YIPF4: variants seen among roughly 807,000 people sequenced by gnomAD.
YIPF4 encodes Yip1 domain family member 4, also known as protein YIPF4.
YIPF4 carries 18 observed loss-of-function variants against 29.4 expected under a neutral mutation model. The ratio of observed to expected loss-of-function variants is 0.61; its 90% CI spans 0.42 to 0.91. The LOEUF (loss-of-function observed/expected upper bound fraction) is 0.91, where lower values mean the gene tolerates loss of function less well. Among genes scored for constraint, YIPF4 ranks in the 40% least tolerant of loss-of-function variants. The probability of loss-of-function intolerance (pLI) is 0.00; values close to 1 mark genes in which losing one functional copy is unlikely to be tolerated. For synonymous variants in YIPF4, 115 were observed against 104.7 expected (o/e 1.10, Z -0.60); for missense variants, 279 against 282.7 (o/e 0.99, Z 0.09).
In YIPF4 at chr2:32,278,197, C is replaced by G. The variant is rs1304158161; in HGVS notation, c.42C>G (p.Asn14Lys). ...PGPPPAYAPT[N>K]GDFTFVSSAD... Reference sequence around the variant, plus strand: ...CGCCCCCGGCCTATGCCCCCACTAACGGGGACTTCACCTTTGTCTCCTCAG... The same window carrying G: ...CGCCCCCGGCCTATGCCCCCACTAAGGGGGACTTCACCTTTGTCTCCTCAG... Residue 14 changes from asparagine to lysine, a missense_variant, in exon 1 of 6, where the codon AAC becomes AAG. Transcript: ENST00000238831. The G allele has an allele frequency of 1.3e-6, 2 of 1,574,514 alleles. No homozygotes were observed. The highest frequency in any genetic ancestry group is 1.4e-5 in the African/African-American group (1 of 73,256).
At chr2:32,302,425 T>G (rs190455820) in intron 5 of YIPF4, among the ~76,000 whole-genome samples, 2 of 152,308 alleles carry the variant, frequency 1.3e-5, no homozygotes, top group African/African-American at 2.4e-5. Context: ...TATTTAAAAT[T>G]CCACTGGACA....
At chr2:32,300,694 A>G (rs773650056) in intron 4 of YIPF4, among the ~76,000 whole-genome samples, 1 of 152,158 alleles carries the variant, frequency 6.6e-6, no homozygotes, top group African/African-American at 2.4e-5. Context: ...AATATGTATC[A>G]TTACGTGTTT....
rs919661894 is a variant in YIPF4, at chr2:32,307,149, T to C, written c.*1523T>C. ...AGGACTTCTAGAAGTTAGAATAATA[T>C]GAAGTAATCAGGAAATATCTATGCC... is the stretch of plus-strand genomic sequence containing the variant. On this transcript the variant is annotated 3_prime_UTR_variant, in exon 6 of 6. Transcript: ENST00000238831. 2.3e-6 allele frequency: 3 copies of C among 1,296,964 alleles called. No homozygotes were observed. Among genetic ancestry groups the C allele is most frequent in the East Asian group, 1.1e-4 (2 of 17,720 alleles). 80.3% of individuals were successfully genotyped at this position (1,296,964 alleles called of 1,614,324 possible).
In YIPF4 at chr2:32,307,178, A is replaced by G. The variant is rs908349731; in HGVS notation, c.*1552A>G. On this transcript the variant is annotated 3_prime_UTR_variant, in exon 6 of 6. Coordinates refer to ENST00000238831, the MANE Select transcript of YIPF4 (RefSeq NM_032312.4). ...GTAATCAGGAAATATCTATGCCTACAGAAGCAGCAACCGTAAGATAAACAT... is the reference window on the plus strand; with the variant it reads ...GTAATCAGGAAATATCTATGCCTACGGAAGCAGCAACCGTAAGATAAACAT... 7.9e-6 allele frequency: 10 copies of G among 1,271,040 alleles called. No homozygotes were observed. The Admixed American group carries it at 2.7e-4, about 34-fold the overall frequency. 78.7% of individuals were successfully genotyped at this position (1,271,040 alleles called of 1,614,324 possible).
At chr2:32,288,058 C>G (rs1290234715) in intron 1 of YIPF4, among the ~76,000 whole-genome samples, 2 of 152,062 alleles carry the variant, frequency 1.3e-5, no homozygotes, top group East Asian at 3.9e-4. Flanking sequence ...GTTTTTCTTG[C>G]TCTCTGACAT....
intron 4 of YIPF4, among the ~76,000 whole-genome samples, chr2:32,299,117 A>G (rs1241394894): frequency 6.6e-6 from 1 of 152,056 alleles, no homozygotes; most frequent in East Asian, 1.9e-4. Context: ...ATCTCAAGTG[A>G]TCTGCCTCAG....
chr2:32,288,264 G>C lies in YIPF4; in HGVS notation c.80-2219G>C, dbSNP rs1448538617. Among the ~76,000 whole-genome samples the C allele has an allele frequency of 6.0e-4, 91 of 152,128 alleles. 1 individual carries two copies. The highest frequency in any genetic ancestry group is 5.9e-5 in the Non-Finnish European group (4 of 68,034). On this transcript the variant is annotated intron_variant, in intron 1 of 5. Transcript: ENST00000238831. ...GAAAGTACTAGAAAATTTGTAAGCT[G>C]AAGATGCCTTTTTGAGGTTCTTGCA...
chr2:32,285,177 T>G (rs1349075068), intron 1 of YIPF4, among the ~76,000 whole-genome samples: 1 of 152,012 alleles, frequency 6.6e-6, no homozygotes, highest in African/African-American at 2.4e-5. Flanking sequence ...AACTGACAAT[T>G]TAGTGGTGGT....
At chr2:32,293,878 G>A in intron 3 of YIPF4, among the ~76,000 whole-genome samples, 1 of 146,970 alleles carries the variant, frequency 6.8e-6, no homozygotes, top group African/African-American at 2.5e-5. Flanking sequence ...CGGGGCGGCT[G>A]GCCGGGCGGG....
intron 2 of YIPF4, 93 bp downstream of exon 2, chr2:32,290,729 C>T: frequency 2.2e-6 from 2 of 894,342 alleles, no homozygotes; most frequent in Non-Finnish European, 3.0e-6. Flanking sequence ...AAGCATTAAC[C>T]TTTTTTGGTC....
intron 1 of YIPF4, among the ~76,000 whole-genome samples, chr2:32,283,824 TCTC>T (rs2030539094): frequency 6.6e-6 from 1 of 151,846 alleles, no homozygotes; most frequent in Non-Finnish European, 1.5e-5. Context: ...TTCAAGCAAT[TCTC>T]CTGCCTCAGC....
intron 3 of YIPF4, among the ~76,000 whole-genome samples, chr2:32,295,917 T>G (rs1420151377): frequency 2.0e-5 from 3 of 152,158 alleles, no homozygotes; most frequent in Non-Finnish European, 2.9e-5. Flanking sequence ...TTTTCATCTT[T>G]TAAGGACAAT....
At chr2:32,293,956 C>G (rs1239617978) in intron 3 of YIPF4, among the ~76,000 whole-genome samples, 1 of 144,360 alleles carries the variant, frequency 6.9e-6, no homozygotes. Context: ...CCCCCCCAAC[C>G]TCCCTCCCGG....
At chr2:32,293,160 A>C (rs961758627) in intron 3 of YIPF4, among the ~76,000 whole-genome samples, 1 of 151,204 alleles carries the variant, frequency 6.6e-6, no homozygotes, top group Non-Finnish European at 1.5e-5. Context: ...TAGTGGAGGG[A>C]AGGTCAGCAG....
Position 32,315,410 on chromosome 2 carries a change from A to T in YIPF4, c.*9784A>T, listed in dbSNP as rs537427547. The T allele has an allele frequency of 1.3e-5, 2 of 152,386 alleles. No individual in the cohort carries two copies. The highest frequency in any genetic ancestry group is 3.9e-4 in the East Asian group (2 of 5,192). The allele number at this position is 152,386 out of a possible 1,614,324, so 9.4% of individuals were successfully genotyped here. A position where few individuals can be genotyped will look rare whatever the true frequency, so the allele number is the denominator to read the frequency against. ...CTGTTAGGAAGAATGGATGCTAGGT[A>T]GGTAAATGGCAATGTCTGACAAAGA... On this transcript the variant is annotated 3_prime_UTR_variant, in exon 6 of 6. Transcript: ENST00000238831.
intron 5 of YIPF4, among the ~76,000 whole-genome samples, chr2:32,303,308 C>T (rs953290466): frequency 6.6e-6 from 1 of 152,070 alleles, no homozygotes; most frequent in African/African-American, 2.4e-5. Flanking sequence ...TGTAGTGAGC[C>T]ATGATTGCAC....
At chr2:32,288,544 C>T (rs1380157256) in intron 1 of YIPF4, among the ~76,000 whole-genome samples, 1 of 152,134 alleles carries the variant, frequency 6.6e-6, no homozygotes, top group Non-Finnish European at 1.5e-5. Flanking sequence ...CGCGGTGGCT[C>T]ACACCTGTAA....
At position 32,307,928 on chromosome 2, in the gene YIPF4, CAAAAAAAAAAAA is replaced by C. The variant is rs70938335; in HGVS notation, c.*2317_*2328del. 4.1e-5 allele frequency: 2 copies of C among 48,946 alleles called. No homozygotes were observed. Among genetic ancestry groups the C allele is most frequent in the East Asian group, 7.7e-4 (1 of 1,304 alleles). The allele number at this position is 48,946 out of a possible 1,614,324, so 3.0% of individuals were successfully genotyped here. Reference sequence around the variant, plus strand: ...CCTGGGTAACAGAGCAAGACTCTCTCAAAAAAAAAAAAAAAAAAAAAAAAAACCATGATTTGT... The same window carrying C: ...CCTGGGTAACAGAGCAAGACTCTCTCAAAAAAAAAAAAAACCATGATTTGT... On this transcript the variant is annotated 3_prime_UTR_variant, in exon 6 of 6. Transcript: ENST00000238831.
intron 3 of YIPF4, among the ~76,000 whole-genome samples, chr2:32,295,400 G>A (rs1236111040): frequency 1.3e-5 from 2 of 152,154 alleles, no homozygotes; most frequent in Non-Finnish European, 2.9e-5. Context: ...GGTTCTGGAT[G>A]TCAGGAGTCC....
Sources: allele counts gnomAD v4.1 joint callset (sites outside exome capture counted in the v4.1 genomes callset), GRCh38; gene constraint gnomAD v4.1.1; transcripts MANE v1.5; gene names NCBI Gene and HGNC (gene_info 2026-07-23, HGNC 2026-07-21).